Variants in HMGA2 observed in about 807,000 individuals in gnomAD.
HMGA2 encodes the protein high mobility group AT-hook 2.
A neutral mutation model predicts 19.1 loss-of-function variants in HMGA2; 8 were observed. The ratio of observed to expected loss-of-function variants is 0.42; its 90% CI spans 0.25 to 0.76. The LOEUF (loss-of-function observed/expected upper bound fraction) is 0.76, where lower values mean the gene tolerates loss of function less well. HMGA2 is among the 30% of genes least tolerant of loss of function. The probability of loss-of-function intolerance (pLI) is 0.28; values close to 1 mark genes in which losing one functional copy is unlikely to be tolerated. For synonymous variants in HMGA2, 60 were observed against 48.8 expected (o/e 1.23, Z -0.96); for missense variants, 109 against 136.3 (o/e 0.80, Z 1.00).
At chr12:65,903,945 G>A (rs1277306500) in intron 3 of HMGA2, among the ~76,000 whole-genome samples, 1 of 152,206 alleles carries the variant, frequency 6.6e-6, no homozygotes, top group Non-Finnish European at 1.5e-5. Flanking sequence ...ATTTCCTAGT[G>A]GAGATAAAGA....
intron 3 of HMGA2, among the ~76,000 whole-genome samples, chr12:65,937,733 A>G (rs1875944990): frequency 6.6e-6 from 1 of 152,204 alleles, no homozygotes; most frequent in African/African-American, 2.4e-5. Context: ...TACACGTTCT[A>G]CAAAGAGGGC....
At chr12:65,849,038 G>A (rs1472504272) in intron 3 of HMGA2, among the ~76,000 whole-genome samples, 1 of 152,196 alleles carries the variant, frequency 6.6e-6, no homozygotes, top group Non-Finnish European at 1.5e-5. Context: ...TACGATTATG[G>A]TTGGTAATGT....
Position 65,963,639 on chromosome 12 carries a change from A to G in HMGA2, c.*347A>G, listed in dbSNP as rs988248292. The G allele has an allele frequency of 3.5e-5, 14 of 404,928 alleles. No individual in the cohort carries two copies. Among genetic ancestry groups the G allele is most frequent in the Admixed American group, 2.9e-4 (7 of 23,872 alleles). 25.1% of individuals were successfully genotyped at this position (404,928 alleles called of 1,614,324 possible). On this transcript the variant is annotated 3_prime_UTR_variant, in exon 5 of 5. Coordinates refer to ENST00000403681, the MANE Select transcript of HMGA2 (RefSeq NM_003483.6). ...ATAAGCAAGAGTGGGCGGGTGAGAA[A>G]AACCGAATTGGGTTTAGTCAATCAC...
rs544647874 is a variant in HMGA2 at position 65,935,889 on chromosome 12, A to T, written c.250-15494A>T. Among the ~76,000 whole-genome samples, 10 of 152,310 alleles carry T rather than the reference A, an allele frequency of 6.6e-5. No individual in the cohort carries two copies. The East Asian group carries it at 1.9e-3, about 29-fold the overall frequency. ...CCCAGCAGCCCAGGGTGTTTTGAAG[A>T]TAGGAGAACAAGGGAAGTACTTTAA... On this transcript the variant is annotated intron_variant, in intron 3 of 4. Coordinates refer to ENST00000403681, the MANE Select transcript of HMGA2 (RefSeq NM_003483.6).
chr12:65,850,221 G>A (rs12371532), intron 3 of HMGA2, among the ~76,000 whole-genome samples: 3,752 of 152,074 alleles, frequency 0.025, 65 homozygotes, highest in Non-Finnish European at 0.036. Flanking sequence ...AGTCCCCCTC[G>A]CTATTAAATC....
chr12:65,939,311 T>C (rs1441545885), intron 3 of HMGA2, among the ~76,000 whole-genome samples: 2 of 152,092 alleles, frequency 1.3e-5, no homozygotes, highest in Non-Finnish European at 2.9e-5. Context: ...TTAATGTAAA[T>C]ATGTATAAAT....
intron 4 of HMGA2, among the ~76,000 whole-genome samples, chr12:65,962,724 T>G (rs1876785841): frequency 6.6e-6 from 1 of 152,148 alleles, no homozygotes; most frequent in Non-Finnish European, 1.5e-5. Flanking sequence ...GTGCCTTGGT[T>G]TTCTCAGATG....
rs528254633 is a variant in HMGA2, at chr12:65,921,536, T to C, written c.250-29847T>C. On this transcript the variant is annotated intron_variant, in intron 3 of 4. Transcript: ENST00000403681. ...TGCTGGGATTACAGGCGTGAGCCAC[T>C]GCGCCCGGCAGGCATTAAGTTTTAT... Among the ~76,000 whole-genome samples, 6 of 152,300 alleles carry C rather than the reference T, an allele frequency of 3.9e-5. No homozygotes were observed. In the South Asian group the frequency reaches 6.2e-4, roughly 16 times the overall value.
At chr12:65,832,000 T>A (rs1282425522) in intron 2 of HMGA2, among the ~76,000 whole-genome samples, 1 of 151,940 alleles carries the variant, frequency 6.6e-6, no homozygotes, top group East Asian at 1.9e-4. Context: ...TGTGTTTCAA[T>A]GGGCAGGTAA....
intron 3 of HMGA2, among the ~76,000 whole-genome samples, chr12:65,931,589 G>A (rs1875716018): frequency 6.8e-6 from 1 of 147,280 alleles, no homozygotes. Flanking sequence ...GTGTGTGTGT[G>A]TTTGTGTGCG....
intron 3 of HMGA2, among the ~76,000 whole-genome samples, chr12:65,945,050 T>C (rs553679089): frequency 6.6e-6 from 1 of 152,096 alleles, no homozygotes; most frequent in African/African-American, 2.4e-5. Flanking sequence ...TTTTTTTTTT[T>C]TTACTTAACC....
chr12:65,902,752 T>C (rs1874425572), intron 3 of HMGA2, among the ~76,000 whole-genome samples: 1 of 152,212 alleles, frequency 6.6e-6, no homozygotes, highest in Non-Finnish European at 1.5e-5. Flanking sequence ...CTGATGTCAT[T>C]AGTCATCTCT....
intron 3 of HMGA2, among the ~76,000 whole-genome samples, chr12:65,896,372 G>A (rs1650848834): frequency 6.6e-6 from 1 of 152,222 alleles, no homozygotes; most frequent in South Asian, 2.1e-4. Context: ...TTTGCCCTGG[G>A]CTCTGATAGG....
rs536701174 is a variant in HMGA2, at chr12:65,888,731, C to T, written c.249+50162C>T. Among the ~76,000 whole-genome samples, 910 of 150,716 alleles carry T rather than the reference C, an allele frequency of 6.0e-3. 12 individuals carry two copies. The highest frequency in any genetic ancestry group is 0.02 in the African/African-American group (838 of 41,138). On this transcript the variant is annotated intron_variant, in intron 3 of 4. Transcript: ENST00000403681. ...GGCGCCCGCCACCACGCCCGGCTAA[C>T]TTTTTGTATTTTTAGTAGAGACGGG...
chr12:65,905,386 G>A (rs1874548738), intron 3 of HMGA2, among the ~76,000 whole-genome samples: 2 of 151,834 alleles, frequency 1.3e-5, no homozygotes, highest in South Asian at 4.2e-4. Context: ...TTCTTGTATG[G>A]GATTCCATTG....
chr12:65,842,689 T>G (rs533904619), intron 3 of HMGA2: 1 of 1,525,712 alleles, frequency 6.6e-7, no homozygotes, highest in African/African-American at 1.4e-5. Context: ...TTCTGCTGTT[T>G]GCCTCAAGAT....
intron 3 of HMGA2, chr12:65,882,019 T>C (rs1191003013): frequency 1.5e-6 from 1 of 669,654 alleles, no homozygotes; most frequent in South Asian, 1.6e-5. Context: ...CTGGCATGGC[T>C]CTGTGGAGTT....
At chr12:65,901,262 A>G (rs1874361031) in intron 3 of HMGA2, among the ~76,000 whole-genome samples, 5 of 152,242 alleles carry the variant, frequency 3.3e-5, no homozygotes, top group South Asian at 2.1e-4. Flanking sequence ...TTTACATTAT[A>G]AATAGCATAA....
intron 2 of HMGA2, among the ~76,000 whole-genome samples, chr12:65,832,344 C>T (rs1870515846): frequency 6.6e-6 from 1 of 151,932 alleles, no homozygotes. Context: ...TATAGTTCTA[C>T]TTCTCTGGAA....
Sources: gnomAD v4.1 joint callset for allele counts (sites outside exome capture counted in the v4.1 genomes callset) on GRCh38, gnomAD v4.1.1 for gene constraint, MANE v1.5 for transcripts, NCBI Gene and HGNC (gene_info 2026-07-23, HGNC 2026-07-21) for gene names.